The following MFAP1 variants were observed in gnomAD, a reference collection of about 807,000 sequenced individuals.
MFAP1 encodes microfibril associated protein 1.
In MFAP1, 18 loss-of-function variants were observed where a neutral mutation model predicts 62.2. That is an observed-to-expected ratio of 0.29 (90% CI 0.20 to 0.43). The LOEUF (loss-of-function observed/expected upper bound fraction) is 0.43. MFAP1 is among the 20% of genes least tolerant of loss of function. MFAP1 has a pLI of 1.00. For synonymous variants in MFAP1, 175 were observed against 180.4 expected, an observed-to-expected ratio of 0.97 and a Z score of 0.24; for missense variants, 355 against 559.7, an observed-to-expected ratio of 0.63 and a Z score of 3.69.
chr15:43,805,988 T>C (rs554435142), intron 7 of MFAP1, among the ~76,000 whole-genome samples: 1 of 149,480 alleles, frequency 6.7e-6, no homozygotes, highest in Non-Finnish European at 1.5e-5. Flanking sequence ...CTCATTCTGA[T>C]GTCCTGATGT....
chr15:43,821,338 T>C (rs1253762977), intron 1 of MFAP1, among the ~76,000 whole-genome samples: 1 of 152,132 alleles, frequency 6.6e-6, no homozygotes, highest in Non-Finnish European at 1.5e-5. Flanking sequence ...AATCTATCAT[T>C]TTAATGCAAT....
At position 43,813,090 on chromosome 15, in the gene MFAP1, A is replaced by C. The variant is rs368221373; in HGVS notation, c.784T>G (p.Leu262Val). The C allele has an allele frequency of 6.2e-7, 1 of 1,614,044 alleles. No homozygotes were observed. The highest frequency in any genetic ancestry group is 1.3e-5 in the African/African-American group (1 of 74,904). ...TCATCATCAGTATTGAGTGCATCCA[A>C]TGCAGCCAGGGATCGCTTGTTCTCT... ...LEENKRSLAA[L>V]DALNTDDEND... Residue 262 changes from leucine to valine, a missense_variant, in exon 6 of 9, where the codon TTG becomes GTG. Transcript: ENST00000267812.
chr15:43,812,041 T>A (rs1050481671), intron 6 of MFAP1, among the ~76,000 whole-genome samples: 2 of 151,866 alleles, frequency 1.3e-5, no homozygotes, highest in Non-Finnish European at 2.9e-5. Context: ...AATACGAAAA[T>A]TAGCCAGGCA....
rs773864457 is a variant in MFAP1, at chr15:43,824,584, C to T, written c.-15G>A. On this transcript the variant is annotated 5_prime_UTR_variant, in exon 1 of 9. Coordinates refer to ENST00000267812, the MANE Select transcript of MFAP1 (RefSeq NM_005926.3). Reference sequence around the variant, plus strand: ...GGGACCGACATGTTGATGGCAGCGACGGTGATTCCCGAAACTTGACTAATT... The same window carrying T: ...GGGACCGACATGTTGATGGCAGCGATGGTGATTCCCGAAACTTGACTAATT... 2 of 1,614,058 alleles carry T rather than the reference C, an allele frequency of 1.2e-6. No individual in the cohort carries two copies. Among genetic ancestry groups the T allele is most frequent in the Non-Finnish European group, 8.5e-7 (1 of 1,179,940 alleles).
chr15:43,814,451 C>A (rs750885214), intron 4 of MFAP1, 50 bp downstream of exon 4: 1 of 1,539,966 alleles, frequency 6.5e-7, no homozygotes, highest in South Asian at 1.3e-5. Context: ...GTCTCCAGGC[C>A]TGGAAAGTGG....
At position 43,805,195 on chromosome 15, in the gene MFAP1, C is replaced by T. The variant is rs747831904; in HGVS notation, c.1219G>A (p.Gly407Ser). 1 of 1,602,962 alleles carries T rather than the reference C, an allele frequency of 6.2e-7. No individual in the cohort carries two copies. Among genetic ancestry groups the T allele is most frequent in the Admixed American group, 1.7e-5 (1 of 59,828 alleles). Residue 407 changes from glycine (G) to serine (S), a missense_variant, in exon 9 of 9, where the codon GGC becomes AGC. Physicochemically the swap from Gly to Ser is moderately conservative, Grantham distance 56. Transcript: ENST00000267812. Reference sequence around the variant, plus strand: ...TTTGTGTTCTGGGCACTCTCTTGGCCCCAAGCTGAGTCAAAGGAGGTGGTA... The same window carrying T: ...TTTGTGTTCTGGGCACTCTCTTGGCTCCAAGCTGAGTCAAAGGAGGTGGTA... ...QDTTSFDSAW[G>S]QESAQNTKFF...
rs757791438 is a variant in MFAP1, at chr15:43,809,921, AG to A, written c.888-8del. ...TGCTTTCTCCTTCTCAAGCCTGTCC[AG>A]GGAGCAAAACAATTTATTGGTACTG... On this transcript the variant is annotated splice_region_variant and splice_polypyrimidine_tract_variant and intron_variant, in intron 6 of 8. Transcript: ENST00000267812. 1.4e-5 allele frequency: 23 copies of A among 1,613,988 alleles called. No individual in the cohort carries two copies. The African/African-American group carries it at 2.8e-4, about 20-fold the overall frequency.
At chr15:43,823,137 C>T (rs1669301105) in intron 1 of MFAP1, among the ~76,000 whole-genome samples, 1 of 149,942 alleles carries the variant, frequency 6.7e-6, no homozygotes, top group South Asian at 2.1e-4. Context: ...GCGCCGGGCC[C>T]TAATTTTTAT....
intron 7 of MFAP1, among the ~76,000 whole-genome samples, chr15:43,806,374 G>C (rs2087365680): frequency 6.6e-6 from 1 of 152,064 alleles, no homozygotes; most frequent in Admixed American, 6.6e-5. Context: ...AGTAGGACCA[G>C]CGTACTCTTC....
At chr15:43,813,427 T>C (rs1008468569) in intron 4 of MFAP1, 70 bp from the exon 5 acceptor site, 6 of 1,418,890 alleles carry the variant, frequency 4.2e-6, no homozygotes, top group Admixed American at 4.9e-5. Flanking sequence ...CTAGACCTAG[T>C]CCCATCCAAA....
At chr15:43,805,962 T>C (rs930680493) in intron 7 of MFAP1, among the ~76,000 whole-genome samples, 15 of 151,060 alleles carry the variant, frequency 9.9e-5, no homozygotes, top group Non-Finnish European at 1.8e-4. Flanking sequence ...TTTTTTTTTT[T>C]TCCCTGAGAC....
intron 1 of MFAP1, 73 bp downstream of exon 1, chr15:43,824,418 C>T (rs1269897441): frequency 6.6e-7 from 1 of 1,518,978 alleles, no homozygotes; most frequent in East Asian, 2.3e-5. Flanking sequence ...GTGGTCTGTC[C>T]GGGAGAGGTC....
At position 43,809,712 on chromosome 15, in the gene MFAP1, T is replaced by C. The variant is rs761144272; in HGVS notation, c.1047+43A>G. ...GAAAAATAATTCAAAGTTTCTGAGT[T>C]ATTCCTACTGCCCAATTTTCTGACT... On this transcript the variant is annotated intron_variant, in intron 7 of 8. Coordinates refer to ENST00000267812, the MANE Select transcript of MFAP1 (RefSeq NM_005926.3). The C allele has an allele frequency of 1.0e-5, 16 of 1,596,420 alleles. No individual in the cohort carries two copies. The Admixed American group carries it at 2.2e-4, about 22-fold the overall frequency.
chr15:43,821,595 T>C (rs1223851803), intron 1 of MFAP1, among the ~76,000 whole-genome samples: 1 of 151,972 alleles, frequency 6.6e-6, no homozygotes, highest in African/African-American at 2.4e-5. Context: ...CAGTAGAAAA[T>C]GGATGGGGTG....
At chr15:43,805,300 T>G in intron 8 of MFAP1, 24 bp from the exon 9 acceptor site, 1 of 1,599,304 alleles carries the variant, frequency 6.3e-7, no homozygotes, top group East Asian at 2.2e-5. Flanking sequence ...GGATGATGAG[T>G]TATACCACCA....
At chr15:43,807,505 C>A (rs956474323) in intron 7 of MFAP1, among the ~76,000 whole-genome samples, 1 of 151,390 alleles carries the variant, frequency 6.6e-6, no homozygotes, top group Non-Finnish European at 1.5e-5. Context: ...CCCGCCACCA[C>A]GCCTAGCTAA....
At chr15:43,819,273 T>C (rs890224485) in intron 1 of MFAP1, among the ~76,000 whole-genome samples, 5 of 152,036 alleles carry the variant, frequency 3.3e-5, no homozygotes, top group Admixed American at 1.3e-4. Flanking sequence ...GGAAGCAATA[T>C]ACTATTTTTA....
Position 43,809,492 on chromosome 15 carries a change from T to C in MFAP1, c.1047+263A>G, listed in dbSNP as rs533231875. On this transcript the variant is annotated intron_variant, in intron 7 of 8. Coordinates refer to ENST00000267812, the MANE Select transcript of MFAP1 (RefSeq NM_005926.3). ...CTGGGTGACAGCGAGACTCTGTCTC[T>C]TAAAAAAAAAAAAAAAGTCTATTAC... Among the ~76,000 whole-genome samples, 4 of 151,112 alleles carry C rather than the reference T, an allele frequency of 2.6e-5. No individual in the cohort carries two copies. In the East Asian group the frequency reaches 7.8e-4, roughly 29 times the overall value.
chr15:43,810,966 A>C (rs1176619977), intron 6 of MFAP1, among the ~76,000 whole-genome samples: 3 of 151,098 alleles, frequency 2.0e-5, no homozygotes, highest in Admixed American at 1.3e-4. Flanking sequence ...CATGTTGGAC[A>C]GGCGGGTGTC....
Sources: gnomAD v4.1 joint callset for allele counts (sites outside exome capture counted in the v4.1 genomes callset) on GRCh38, gnomAD v4.1.1 for gene constraint, MANE v1.5 for transcripts, NCBI Gene and HGNC (gene_info 2026-07-23, HGNC 2026-07-21) for gene names.